The following SLC12A9 variants were observed in gnomAD, a reference collection of about 807,000 sequenced individuals.
SLC12A9 encodes the protein CCC-interacting protein 1.
In SLC12A9, 55 loss-of-function variants were observed where a neutral mutation model predicts 66.0. The ratio of observed to expected loss-of-function variants is 0.83; its 90% confidence interval spans 0.67 to 1.04. SLC12A9 has a LOEUF of 1.04. Ranked by LOEUF, SLC12A9 falls within the 50% of genes least tolerant of loss-of-function variation. The probability of loss-of-function intolerance (pLI) is 0.00; values close to 1 mark genes in which losing one functional copy is unlikely to be tolerated. For synonymous variants in SLC12A9, 577 were observed against 569.0 expected (o/e 1.01, Z -0.20); for missense variants, 1,061 against 1,241.9 (o/e 0.85, Z 2.19).
At chr7:100,848,573 C>T (rs917595178), upstream of SLC12A9, among the ~76,000 whole-genome samples, 4 of 151,470 alleles carry the variant, frequency 2.6e-5, no homozygotes, top group South Asian at 2.1e-4. Context: ...TGGATGAGAT[C>T]GTGAAGGGAC....
At position 100,860,455 on chromosome 7, in the gene SLC12A9, G is replaced by A. The variant is rs1352300174; in HGVS notation, c.1218+223G>A. The A allele has an allele frequency of 7.0e-6, 4 of 568,320 alleles. No individual in the cohort carries two copies. In the African/African-American group the frequency reaches 7.5e-5, roughly 11 times the overall value. 35.2% of individuals were successfully genotyped at this position (568,320 alleles called of 1,614,324 possible). Reference sequence around the variant, plus strand: ...TCATTGGCACCCTGGGAGGTTCACTGGCACTTTTTGGGGTACACGGGCATT... The same window carrying A: ...TCATTGGCACCCTGGGAGGTTCACTAGCACTTTTTGGGGTACACGGGCATT... On this transcript the variant is annotated intron_variant, in intron 9 of 13. Transcript: ENST00000354161.
chr7:100,862,469 A>G (rs1446982002), intron 12 of SLC12A9, among the ~76,000 whole-genome samples: 2 of 151,754 alleles, frequency 1.3e-5, no homozygotes, highest in Non-Finnish European at 2.9e-5. Flanking sequence ...GCTGTCTGGA[A>G]CTCCTGGCTC....
upstream of SLC12A9, among the ~76,000 whole-genome samples, chr7:100,848,083 CAAAAAAAA>C (rs36071720): frequency 1.4e-4 from 6 of 43,966 alleles, no homozygotes; most frequent in Admixed American, 9.8e-4. Flanking sequence ...GACTCCATCT[CAAAAAAAA>C]AAAAAAAAAA....
intron 1 of SLC12A9, chr7:100,837,505 G>C (rs926843784): frequency 6.6e-6 from 1 of 152,174 alleles, no homozygotes; most frequent in Non-Finnish European, 1.5e-5. Flanking sequence ...TTTCCTTCCC[G>C]GCCGTCAGTC....
intron 1 of SLC12A9, among the ~76,000 whole-genome samples, chr7:100,846,600 T>C (rs1813922248): frequency 6.6e-6 from 1 of 151,746 alleles, no homozygotes; most frequent in Admixed American, 6.6e-5. Context: ...CTACCTTAGT[T>C]CACCAAAATG....
intron 9 of SLC12A9, 78 bp downstream of exon 9, chr7:100,860,310 G>A: frequency 6.9e-7 from 1 of 1,449,876 alleles, no homozygotes; most frequent in South Asian, 1.2e-5. Context: ...ATGCAGGCTG[G>A]GAGACAAATG....
chr7:100,849,715 A>G (rs1413447038), upstream of SLC12A9, among the ~76,000 whole-genome samples: 4 of 137,254 alleles, frequency 2.9e-5, no homozygotes, highest in Non-Finnish European at 4.7e-5. Flanking sequence ...GACTCTGTCT[A>G]AAAAAAAAAA....
In SLC12A9 at chr7:100,866,200, G is replaced by A. The variant is rs752753; in HGVS notation, c.2340G>A (p.Ala780=). Residue 780 remains alanine (A), a synonymous_variant, in exon 14 of 14, where the codon GCG becomes GCA. Coordinates refer to ENST00000354161, the MANE Select transcript of SLC12A9 (RefSeq NM_020246.4). This position sits in a 1 kb window ranked among gnomAD's most constrained non-coding sequence, Gnocchi z 7.3. ...TGGGGCCTCGGGAGGCGCCTGGGGC[G>A]GCCGAGGGGCGGCTGCGGGCACTGC... ...LCLGPREAPG[A]AEGRLRALLS... 5.5e-3 allele frequency: 8,804 copies of A among 1,611,100 alleles called. 427 individuals are homozygous for A. In the East Asian group the frequency reaches 0.12, roughly 23 times the overall value.
upstream of SLC12A9, among the ~76,000 whole-genome samples, chr7:100,851,653 C>CATG (rs10630227): frequency 0.99 from 149,696 of 151,576 alleles, 73,948 homozygotes; most frequent in East Asian, 1. Flanking sequence ...ATTAGCCAGG[C>CATG]GTGGTGTGTG....
chr7:100,861,889 C>T lies in SLC12A9; in HGVS notation c.1689C>T (p.Gly563=). ...QLKKGGLYVL[G]HVTLGDLDSL... is the part of the protein sequence containing the mutation. ...AGAAGGGGGGGCTGTATGTGCTGGG[C>T]CACGTCACCCTGGGAGACCTCGGTG... The change falls in exon 12 of 14, where the codon GGC becomes GGT. Residue 563 remains glycine (G), a synonymous_variant. Coordinates refer to ENST00000354161, the MANE Select transcript of SLC12A9 (RefSeq NM_020246.4). The surrounding 1 kb of genome is among the most constrained non-coding windows in gnomAD (Gnocchi z 5.3). The T allele has an allele frequency of 6.2e-7, 1 of 1,609,404 alleles. No individual in the cohort carries two copies. The highest frequency in any genetic ancestry group is 8.5e-7 in the Non-Finnish European group (1 of 1,177,324).
chr7:100,841,692 A>G (rs1288592065), intron 1 of SLC12A9, among the ~76,000 whole-genome samples: 1 of 152,210 alleles, frequency 6.6e-6, no homozygotes, highest in Non-Finnish European at 1.5e-5. Context: ...TATTAAAATT[A>G]GGTTTAACAT....
In SLC12A9 at chr7:100,865,533, A is replaced by G. The variant is rs562715697; in HGVS notation, c.1859-186A>G. 4.5e-5 allele frequency: 70 copies of G among 1,561,848 alleles called. 2 individuals carry two copies. The South Asian group carries it at 7.9e-4, about 18-fold the overall frequency. ...TGAGATAATAAAATAAATGCATGTG[A>G]AAGTGTTTAGGAAAAATGAAAAGTC... On this transcript the variant is annotated intron_variant, in intron 13 of 13. Transcript: ENST00000354161.
At chr7:100,845,487 C>T (rs1813888521) in intron 1 of SLC12A9, among the ~76,000 whole-genome samples, 1 of 151,982 alleles carries the variant, frequency 6.6e-6, no homozygotes, top group African/African-American at 2.4e-5. Flanking sequence ...GTAGCTGGGA[C>T]TACAGGAGCC....
upstream of SLC12A9, among the ~76,000 whole-genome samples, chr7:100,848,126 A>G (rs2116550704): frequency 6.7e-6 from 1 of 148,722 alleles, no homozygotes; most frequent in South Asian, 2.2e-4. Context: ...AGATGGTAGT[A>G]GATTGTTGGC....
At position 100,866,080 on chromosome 7, in the gene SLC12A9, T is replaced by C; in HGVS notation, c.2220T>C (p.Tyr740=). Residue 740 remains tyrosine, a synonymous_variant, in exon 14 of 14, where the codon TAT becomes TAC. Coordinates refer to ENST00000354161, the MANE Select transcript of SLC12A9 (RefSeq NM_020246.4). The surrounding 1 kb of genome is among the most constrained non-coding windows in gnomAD (Gnocchi z 7.3). ...NLLRPRGGPG[Y]VDVCGLFLLQ... is the part of the protein sequence containing the mutation. ...TGCGGCCCCGGGGTGGGCCCGGCTA[T>C]GTGGATGTCTGCGGCCTCTTCCTGC... The C allele has an allele frequency of 1.9e-6, 3 of 1,612,918 alleles. No homozygotes were observed. Among genetic ancestry groups the C allele is most frequent in the Middle Eastern group, 3.3e-4 (2 of 6,062 alleles).
chr7:100,848,894 GGAAA>G (rs949608815), upstream of SLC12A9, among the ~76,000 whole-genome samples: 2 of 135,952 alleles, frequency 1.5e-5, no homozygotes, highest in East Asian at 2.0e-4. Context: ...TCAAAAAAAA[GGAAA>G]GAAAGAAAGA....
intron 13 of SLC12A9, among the ~76,000 whole-genome samples, chr7:100,864,539 G>GCCTGGTT (rs1814959156): frequency 2.0e-5 from 3 of 152,072 alleles, no homozygotes; most frequent in African/African-American, 7.3e-5. Context: ...TGTAAACTCA[G>GCCTGGTT]CAATTATCCG....
Position 100,856,661 on chromosome 7 carries a change from C to T in SLC12A9, c.449-207C>T, listed in dbSNP as rs1814406027. ...TCCCAGTAGCTGGACTACAGGCATG[C>T]CTCCCCACACCTGGCTAATTTTGCA... On this transcript the variant is annotated intron_variant, in intron 4 of 13. Transcript: ENST00000354161. The T allele has an allele frequency of 5.4e-6, 3 of 552,766 alleles. No homozygotes were observed. The South Asian group carries it at 7.8e-5, about 14-fold the overall frequency. The allele number at this position is 552,766 out of a possible 1,614,324, so 34.2% of individuals were successfully genotyped here.
At chr7:100,851,356 A>G (rs1345702316), upstream of SLC12A9, among the ~76,000 whole-genome samples, 1 of 152,096 alleles carries the variant, frequency 6.6e-6, no homozygotes, top group African/African-American at 2.4e-5. Context: ...GATTTATGGA[A>G]GCAGAGTTCA....
Sources: gnomAD v4.1 joint callset for allele counts (sites outside exome capture counted in the v4.1 genomes callset) on GRCh38, gnomAD v4.1.1 for gene constraint, Gnocchi (gnomAD v3.1) non-coding constraint, MANE v1.5 for transcripts, NCBI Gene and HGNC (gene_info 2026-07-23, HGNC 2026-07-21) for gene names.